The following TNFRSF13B variants were observed in gnomAD, a reference collection of about 807,000 sequenced individuals.
TNFRSF13B encodes tumor necrosis factor receptor superfamily member 13B.
A neutral mutation model predicts 24.0 loss-of-function variants in TNFRSF13B; 34 were observed. That is an observed-to-expected ratio of 1.41 (90% confidence interval 1.08 to 1.88). The LOEUF is 1.88. Among genes scored for constraint, TNFRSF13B ranks in the 40% most tolerant of loss-of-function variants. The pLI is 0.00. For synonymous variants in TNFRSF13B, 173 were observed against 150.3 expected, an observed-to-expected ratio of 1.15 and a Z score of -1.10; for missense variants, 415 against 380.8, an observed-to-expected ratio of 1.09 and a Z score of -0.75.
intron 1 of TNFRSF13B, among the ~76,000 whole-genome samples, chr17:16,953,541 A>G (rs988142421): frequency 6.6e-6 from 1 of 152,152 alleles, no homozygotes; most frequent in Non-Finnish European, 1.5e-5. Flanking sequence ...TGTTACCCTC[A>G]TAGGCTAATA....
chr17:16,962,903 A>C (rs961139558), intron 1 of TNFRSF13B, among the ~76,000 whole-genome samples: 1 of 152,188 alleles, frequency 6.6e-6, no homozygotes, highest in African/African-American at 2.4e-5. Context: ...GTCCAAGTTA[A>C]GTTCTCACCT....
At chr17:16,950,569 A>T (rs1031719525) in intron 2 of TNFRSF13B, among the ~76,000 whole-genome samples, 1 of 152,130 alleles carries the variant, frequency 6.6e-6, no homozygotes, top group African/African-American at 2.4e-5. Context: ...CCCTATCCCC[A>T]GGGCGCCCCT....
intron 1 of TNFRSF13B, among the ~76,000 whole-genome samples, chr17:16,953,629 G>T (rs1743224198): frequency 6.6e-6 from 1 of 152,160 alleles, no homozygotes; most frequent in South Asian, 2.1e-4. Flanking sequence ...GGCGCTCTCT[G>T]CATGTCTGGT....
chr17:16,944,620 A>G (rs1301520358), intron 3 of TNFRSF13B, among the ~76,000 whole-genome samples: 2 of 152,100 alleles, frequency 1.3e-5, no homozygotes, highest in Admixed American at 6.5e-5. Context: ...GGAATTTGTC[A>G]TCTGCGTGGC....
At chr17:16,946,897 T>C (rs1001694864) in intron 3 of TNFRSF13B, among the ~76,000 whole-genome samples, 3 of 151,522 alleles carry the variant, frequency 2.0e-5, no homozygotes, top group African/African-American at 7.3e-5. Flanking sequence ...CTTCTCTTTT[T>C]ACAATTTTTT....
intron 2 of TNFRSF13B, among the ~76,000 whole-genome samples, chr17:16,952,029 T>C (rs2087592575): frequency 6.6e-6 from 1 of 152,214 alleles, no homozygotes; most frequent in African/African-American, 2.4e-5. Flanking sequence ...TGTGCTGTCC[T>C]CTCTATGTAC....
chr17:16,962,406 C>A (rs1175297910), intron 1 of TNFRSF13B, among the ~76,000 whole-genome samples: 1 of 151,890 alleles, frequency 6.6e-6, no homozygotes, highest in East Asian at 1.9e-4. Context: ...ACTTGAGAAG[C>A]TGAGGCAGGA....
chr17:16,945,088 G>A (rs981116655), intron 3 of TNFRSF13B, among the ~76,000 whole-genome samples: 2 of 152,238 alleles, frequency 1.3e-5, no homozygotes, highest in Non-Finnish European at 2.9e-5. Flanking sequence ...GAGAAATAAA[G>A]GGCAGGGTAG....
chr17:16,939,854 G>T, intron 4 of TNFRSF13B, 57 bp from the exon 5 acceptor site: 2 of 1,559,134 alleles, frequency 1.3e-6, no homozygotes, highest in South Asian at 1.2e-5. Context: ...TAGGGTAGGG[G>T]TGACGGTGTG....
chr17:16,948,814 A>G lies in TNFRSF13B; in HGVS notation c.369T>C (p.Ser123=). The change falls in exon 3 of 5, where the codon AGT becomes AGC. Residue 123 remains serine (S), a synonymous_variant. Coordinates refer to ENST00000261652, the MANE Select transcript of TNFRSF13B (RefSeq NM_012452.3). ...NLPPELRRQR[S]GEVENNSDNS... Reference sequence around the variant, plus strand: ...TGTCTGAATTGTTTTCAACTTCTCCACTCCGCTGTCTCCTGAGCTCTGGTG... The same window carrying G: ...TGTCTGAATTGTTTTCAACTTCTCCGCTCCGCTGTCTCCTGAGCTCTGGTG... The G allele has an allele frequency of 6.2e-7, 1 of 1,613,826 alleles. No homozygotes were observed. Among genetic ancestry groups the G allele is most frequent in the Non-Finnish European group, 8.5e-7 (1 of 1,179,976 alleles).
At chr17:16,955,565 T>C (rs1178482124) in intron 1 of TNFRSF13B, among the ~76,000 whole-genome samples, 1 of 152,240 alleles carries the variant, frequency 6.6e-6, no homozygotes, top group Non-Finnish European at 1.5e-5. Context: ...GAAGGTTGAC[T>C]AATGATTGGA....
chr17:16,950,124 A>G (rs1388189974), intron 2 of TNFRSF13B, among the ~76,000 whole-genome samples: 2 of 152,360 alleles, frequency 1.3e-5, no homozygotes, highest in African/African-American at 4.8e-5. Flanking sequence ...ATGTATAAAT[A>G]AAATATATGT....
chr17:16,956,293 T>TAAGATTTCCTAACCTTGA (rs2087624122), intron 1 of TNFRSF13B, among the ~76,000 whole-genome samples: 1 of 151,496 alleles, frequency 6.6e-6, no homozygotes. Flanking sequence ...CCTTGAGGAG[T>TAAGATTTCCTAACCTTGA]GGTAAGGTTA....
rs1438291028 is a variant in TNFRSF13B at position 16,939,603 on chromosome 17, C to T, written c.826G>A (p.Asp276Asn). The change falls in exon 5 of 5, where the codon GAC becomes AAC. Residue 276 changes from aspartate (D) to asparagine (N), a missense_variant. By Grantham distance (23) the Asp-to-Asn change is conservative (BLOSUM62 1). Transcript: ENST00000261652. ...TVLQPCPHIP[D>N]SGLGIVCVPA... ...ACACACACAATGCCAAGGCCACTGT[C>T]TGGGATGTGTGGGCAAGGCTGCAGG... The T allele has an allele frequency of 6.2e-7, 1 of 1,613,632 alleles. No individual in the cohort carries two copies. Among genetic ancestry groups the T allele is most frequent in the Non-Finnish European group, 8.5e-7 (1 of 1,179,752 alleles).
At chr17:16,943,188 AG>A (rs1266521575) in intron 3 of TNFRSF13B, among the ~76,000 whole-genome samples, 1 of 152,220 alleles carries the variant, frequency 6.6e-6, no homozygotes. Context: ...AGAGCCACGC[AG>A]GGTCACAACA....
At position 16,939,576 on chromosome 17, in the gene TNFRSF13B, GCA is replaced by G; in HGVS notation, c.851_852del (p.Val284AlafsTer120). On this transcript the variant is annotated frameshift_variant, in exon 5 of 5. Transcript: ENST00000261652. LOFTEE classifies it high-confidence loss of function. ...GCACCTGGGCCCCCCTCCTGGGCAGGCACACACACAATGCCAAGGCCACTGTC... is the reference window on the plus strand; with the variant it reads ...GCACCTGGGCCCCCCTCCTGGGCAGGCACACACAATGCCAAGGCCACTGTC... The part of the protein sequence containing the change: ...IPDSGLGIVC[V>X]PAQEGGPGA The G allele has an allele frequency of 6.2e-7, 1 of 1,612,978 alleles. No homozygotes were observed. The highest frequency in any genetic ancestry group is 8.5e-7 in the Non-Finnish European group (1 of 1,179,546).
chr17:16,940,440 C>T lies in TNFRSF13B; in HGVS notation c.517G>A (p.Ala173Thr), dbSNP rs369937497. The T allele has an allele frequency of 6.2e-7, 1 of 1,614,010 alleles. No homozygotes were observed. The highest frequency in any genetic ancestry group is 8.5e-7 in the Non-Finnish European group (1 of 1,180,028). Residue 173 changes from alanine to threonine, a missense_variant, in exon 4 of 5, where the codon GCC becomes ACC. Transcript: ENST00000261652. ...VYSTLGLCLC[A>T]VLCCFLVAVA... ...GCCACCAGGAAGCAGCAGAGGACGG[C>T]ACACAGGCAGAGCCCCAGCGTGCTG...
intron 1 of TNFRSF13B, among the ~76,000 whole-genome samples, chr17:16,960,057 A>G (rs758787837): frequency 1.4e-4 from 21 of 152,178 alleles, no homozygotes; most frequent in Non-Finnish European, 2.9e-4. Flanking sequence ...TACAAATTGA[A>G]CCCAATGGCA....
In TNFRSF13B at chr17:16,939,587, A is replaced by G; in HGVS notation, c.842T>C (p.Ile281Thr). 1.2e-6 allele frequency: 2 copies of G among 1,612,996 alleles called. No homozygotes were observed. Among genetic ancestry groups the G allele is most frequent in the Non-Finnish European group, 8.5e-7 (1 of 1,179,560 alleles). The change falls in exon 5 of 5, where the codon ATT (isoleucine) becomes ACT (threonine). Residue 281 changes from isoleucine (I) to threonine (T), a missense_variant. Ile to Thr is a moderately conservative substitution (Grantham distance 89, BLOSUM62 -1). Coordinates refer to ENST00000261652, the MANE Select transcript of TNFRSF13B (RefSeq NM_012452.3). ...CPHIPDSGLG[I>T]VCVPAQEGGP... ...CCCCTCCTGGGCAGGCACACACACA[A>G]TGCCAAGGCCACTGTCTGGGATGTG...
Sources: gnomAD v4.1 joint callset for allele counts (sites outside exome capture counted in the v4.1 genomes callset) on GRCh38, gnomAD v4.1.1 for gene constraint, MANE v1.5 for transcripts, NCBI Gene and HGNC (gene_info 2026-07-23, HGNC 2026-07-21) for gene names.